Variants in XYLT1 observed in about 807,000 individuals in gnomAD.
XYLT1 encodes the protein beta-D-xylosyltransferase 1.
A neutral mutation model predicts 91.3 loss-of-function variants in XYLT1; 36 were observed. That is an observed-to-expected ratio of 0.39 (90% CI 0.30 to 0.52). The LOEUF is 0.52. Ranked by LOEUF, XYLT1 falls within the 20% of genes least tolerant of loss-of-function variation. XYLT1 has a pLI of 0.68. For synonymous variants in XYLT1, 588 were observed against 532.0 expected (o/e 1.11, Z -1.45); for missense variants, 1,242 against 1,284.5 (o/e 0.97, Z 0.51).
chr16:17,412,332 G>A (rs2036121057), intron 1 of XYLT1, among the ~76,000 whole-genome samples: 1 of 151,628 alleles, frequency 6.6e-6, no homozygotes, highest in Non-Finnish European at 1.5e-5. Context: ...CTGGCACACA[G>A]CACCAGGTCC....
chr16:17,321,624 C>T, intron 2 of XYLT1, among the ~76,000 whole-genome samples: 1 of 152,052 alleles, frequency 6.6e-6, no homozygotes, highest in Non-Finnish European at 1.5e-5. Flanking sequence ...TCCCGAAGTG[C>T]TGGGATTACA....
chr16:17,232,429 G>GTGTATATA (rs1194509016), intron 3 of XYLT1, among the ~76,000 whole-genome samples: 9 of 121,736 alleles, frequency 7.4e-5, no homozygotes, highest in African/African-American at 2.8e-4. Context: ...GTGTGTGTGT[G>GTGTATATA]TATATATATA....
At position 17,334,753 on chromosome 16, in the gene XYLT1, G is replaced by A. The variant is rs1415233711; in HGVS notation, c.402+23259C>T. Among the ~76,000 whole-genome samples the A allele has an allele frequency of 2.6e-5, 4 of 152,060 alleles. No individual in the cohort carries two copies. In the South Asian group the frequency reaches 8.3e-4, roughly 32 times the overall value. On this transcript the variant is annotated intron_variant, in intron 2 of 11. Coordinates refer to ENST00000261381, the MANE Select transcript of XYLT1 (RefSeq NM_022166.4). Reference sequence around the variant, plus strand: ...AAAAAATTAGCCAGGCGTGGTGGCAGGTGCCTGTAGTCCCAGCTACTCGGG... The same window carrying A: ...AAAAAATTAGCCAGGCGTGGTGGCAAGTGCCTGTAGTCCCAGCTACTCGGG...
intron 6 of XYLT1, among the ~76,000 whole-genome samples, chr16:17,142,543 C>T (rs953917187): frequency 1.5e-4 from 23 of 150,240 alleles, no homozygotes; most frequent in Admixed American, 6.0e-4. Flanking sequence ...AAGTGATTCT[C>T]CTGCCTCAGC....
At chr16:17,272,303 C>T (rs11864874) in intron 2 of XYLT1, among the ~76,000 whole-genome samples, 37,945 of 151,450 alleles carry the variant, frequency 0.25, 5,025 homozygotes, top group Middle Eastern at 0.35. Context: ...GCTGGGATTA[C>T]AGATGCGCAT....
chr16:17,342,141 C>G (rs898751010), intron 2 of XYLT1, among the ~76,000 whole-genome samples: 1 of 152,208 alleles, frequency 6.6e-6, no homozygotes, highest in Non-Finnish European at 1.5e-5. Context: ...ACCTCCACCG[C>G]CCCTCTCTCC....
intron 6 of XYLT1, among the ~76,000 whole-genome samples, chr16:17,144,077 C>G (rs1044299556): frequency 6.6e-6 from 1 of 152,214 alleles, no homozygotes; most frequent in African/African-American, 2.4e-5. Flanking sequence ...CCCATATTTA[C>G]AGGTGTATGA....
chr16:17,249,815 T>A (rs958284275), intron 3 of XYLT1: 1 of 151,776 alleles, frequency 6.6e-6, no homozygotes, highest in Non-Finnish European at 1.5e-5. Flanking sequence ...ATTACAGACA[T>A]GTGCCACCAC....
At chr16:17,376,210 A>G (rs66929869) in intron 1 of XYLT1, among the ~76,000 whole-genome samples, 15,368 of 152,296 alleles carry the variant, frequency 0.1, 984 homozygotes, top group African/African-American at 0.18. Flanking sequence ...CTTATTTGTC[A>G]TAACTTGAAA....
At chr16:17,351,384 A>G (rs558606369) in intron 2 of XYLT1, among the ~76,000 whole-genome samples, 1 of 152,180 alleles carries the variant, frequency 6.6e-6, no homozygotes, top group Non-Finnish European at 1.5e-5. Flanking sequence ...GTGGTGTCAC[A>G]TGCCTGTAAT....
intron 5 of XYLT1, among the ~76,000 whole-genome samples, chr16:17,167,559 T>C (rs1033678151): frequency 6.7e-6 from 1 of 150,226 alleles, no homozygotes; most frequent in Non-Finnish European, 1.5e-5. Flanking sequence ...AACCCATCCT[T>C]CCATCTCGTG....
At chr16:17,140,131 C>T (rs973646267) in intron 7 of XYLT1, among the ~76,000 whole-genome samples, 22 of 152,212 alleles carry the variant, frequency 1.4e-4, no homozygotes, top group Admixed American at 1.4e-3. Context: ...CAACCCAGCT[C>T]TGACCGGCAG....
chr16:17,357,943 G>C, intron 2 of XYLT1, 69 bp downstream of exon 2: 2 of 1,562,244 alleles, frequency 1.3e-6, no homozygotes, highest in Non-Finnish European at 1.7e-6. Context: ...TCAGAGCCAC[G>C]GGACAAGTCC....
intron 3 of XYLT1, among the ~76,000 whole-genome samples, chr16:17,219,590 G>A (rs755518190): frequency 7.2e-5 from 11 of 152,144 alleles, no homozygotes; most frequent in East Asian, 1.9e-4. Flanking sequence ...ATTTCTCAAC[G>A]ATGGCTTGGA....
intron 3 of XYLT1, among the ~76,000 whole-genome samples, chr16:17,218,262 A>G (rs955485430): frequency 2.6e-5 from 4 of 152,088 alleles, no homozygotes; most frequent in African/African-American, 4.8e-5. Context: ...CTCTCAAGAA[A>G]AGGCAAAACA....
At chr16:17,114,140 T>A (rs1223580980) in intron 11 of XYLT1, among the ~76,000 whole-genome samples, 1 of 152,272 alleles carries the variant, frequency 6.6e-6, no homozygotes, top group African/African-American at 2.4e-5. Flanking sequence ...CACTCAGGAC[T>A]CCTCTGGACC....
chr16:17,325,769 G>T (rs1369281632), intron 2 of XYLT1, among the ~76,000 whole-genome samples: 4 of 152,084 alleles, frequency 2.6e-5, no homozygotes, highest in Admixed American at 2.0e-4. Context: ...CCCTAATCTG[G>T]CTACTTACTC....
At chr16:17,345,098 A>C (rs1247630257) in intron 2 of XYLT1, among the ~76,000 whole-genome samples, 1 of 152,158 alleles carries the variant, frequency 6.6e-6, no homozygotes, top group Non-Finnish European at 1.5e-5. Context: ...GGTGAGACCC[A>C]AGGGGCCAGC....
At chr16:17,433,063 T>A (rs1414449310) in intron 1 of XYLT1, among the ~76,000 whole-genome samples, 1 of 151,698 alleles carries the variant, frequency 6.6e-6, no homozygotes, top group Admixed American at 6.6e-5. Context: ...CTGAGGAGAA[T>A]GGGAATCAGG....
Sources: gnomAD v4.1 joint callset for allele counts (sites outside exome capture counted in the v4.1 genomes callset) on GRCh38, gnomAD v4.1.1 for gene constraint, MANE v1.5 for transcripts, NCBI Gene and HGNC (gene_info 2026-07-23, HGNC 2026-07-21) for gene names.